The following STARD13 variants were observed in gnomAD, a reference collection of about 807,000 sequenced individuals.
STARD13 encodes StAR related lipid transfer domain containing 13.
In STARD13, 62 loss-of-function variants were observed where a neutral mutation model predicts 106.4. The ratio of observed to expected loss-of-function variants is 0.58; its 90% confidence interval spans 0.48 to 0.72. STARD13 has a LOEUF of 0.72. Ranked by LOEUF, STARD13 falls within the 30% of genes least tolerant of loss-of-function variation. The probability of loss-of-function intolerance (pLI) is 0.00; values close to 1 mark genes in which losing one functional copy is unlikely to be tolerated. For synonymous variants in STARD13, 565 were observed against 553.0 expected (o/e 1.02, Z -0.31); for missense variants, 1,387 against 1,424.0 (o/e 0.97, Z 0.42).
chr13:33,523,617 A>T, the STARD13 span, among the ~76,000 whole-genome samples: 30 of 152,166 alleles, frequency 2.0e-4, no homozygotes, highest in Admixed American at 1.6e-3. Context: ...AATTTAAAAG[A>T]TTCAAAAAAG....
chr13:33,666,574 C>G, the STARD13 span, among the ~76,000 whole-genome samples: 1 of 152,002 alleles, frequency 6.6e-6, no homozygotes, highest in South Asian at 2.1e-4. Flanking sequence ...GGATCACAGG[C>G]GTGAGCCACT....
rs1186408574 is a variant in STARD13, at chr13:33,312,623, ATATAT to A, written c.124+37662_124+37666del. 2.6e-5 allele frequency among the ~76,000 whole-genome samples: 4 copies of A among 152,200 alleles called. No homozygotes were observed. The South Asian group carries it at 6.2e-4, about 24-fold the overall frequency. On this transcript the variant is annotated intron_variant, in intron 1 of 5. Transcript: ENST00000567873. ...GTGTTTGGCATGAATACTTTCTAAT[ATATAT>A]TATAATTTTTGCTTTGTGGACTTGC... is the stretch of plus-strand genomic sequence containing the variant.
chr13:33,205,822 G>C, intron 1 of STARD13: 1 of 983,692 alleles, frequency 1.0e-6, no homozygotes, highest in South Asian at 4.7e-5. Flanking sequence ...AACTTACTTT[G>C]TTTAAAATTG....
At chr13:33,128,874 A>G in intron 5 of STARD13, 55 bp downstream of exon 5, 1 of 1,528,446 alleles carries the variant, frequency 6.5e-7, no homozygotes, top group South Asian at 1.3e-5. Context: ...AAATAAACAG[A>G]ACACAATTAC....
At chr13:33,658,294 G>A in the STARD13 span, 1 of 152,238 alleles carries the variant, frequency 6.6e-6, no homozygotes, top group African/African-American at 2.4e-5. Context: ...ACCGCATTTT[G>A]TTTATCCATT....
At chr13:33,543,198 G>T in the STARD13 span, among the ~76,000 whole-genome samples, 1 of 152,174 alleles carries the variant, frequency 6.6e-6, no homozygotes, top group African/African-American at 2.4e-5. Flanking sequence ...TGCCTGGTAG[G>T]AAGATGACAC....
chr13:33,462,262 T>C, the STARD13 span, among the ~76,000 whole-genome samples: 1 of 152,200 alleles, frequency 6.6e-6, no homozygotes, highest in Non-Finnish European at 1.5e-5. Flanking sequence ...GTCTTTCTTG[T>C]TCATCCCGAC....
At chr13:33,132,959 G>T (rs147919284) in intron 4 of STARD13, among the ~76,000 whole-genome samples, 1 of 152,062 alleles carries the variant, frequency 6.6e-6, no homozygotes, top group Non-Finnish European at 1.5e-5. Context: ...TAGGCTGAAC[G>T]TTGAACTTAT....
At chr13:33,152,056 T>C (rs1881352631) in intron 3 of STARD13, among the ~76,000 whole-genome samples, 2 of 152,202 alleles carry the variant, frequency 1.3e-5, no homozygotes, top group African/African-American at 4.8e-5. Flanking sequence ...TGTTAAATTT[T>C]AGGGGCCCTG....
chr13:33,440,107 T>A, the STARD13 span, among the ~76,000 whole-genome samples: 2 of 152,004 alleles, frequency 1.3e-5, no homozygotes, highest in African/African-American at 4.8e-5. Context: ...CGAGACACCC[T>A]GCTCTACAAA....
the STARD13 span, among the ~76,000 whole-genome samples, chr13:33,407,742 C>G: frequency 6.6e-6 from 1 of 152,118 alleles, no homozygotes; most frequent in African/African-American, 2.4e-5. Flanking sequence ...AAAAGCTTGG[C>G]CTGGGAGTTA....
chr13:33,195,919 G>C (rs1272424407), intron 1 of STARD13, among the ~76,000 whole-genome samples: 1 of 152,116 alleles, frequency 6.6e-6, no homozygotes, highest in Non-Finnish European at 1.5e-5. Flanking sequence ...CTGTACTGTG[G>C]TTGGCAGATG....
At chr13:33,506,952 T>C in the STARD13 span, among the ~76,000 whole-genome samples, 1 of 152,010 alleles carries the variant, frequency 6.6e-6, no homozygotes, top group African/African-American at 2.4e-5. Context: ...TCTCTACAAA[T>C]TAGCCAGGTG....
At chr13:33,150,896 A>G (rs79411130) in intron 3 of STARD13, among the ~76,000 whole-genome samples, 4,909 of 152,332 alleles carry the variant, frequency 0.032, 273 homozygotes, top group African/African-American at 0.11. Context: ...AGATTCGTTC[A>G]TCCGACAGTG....
chr13:33,528,084 T>C, the STARD13 span, among the ~76,000 whole-genome samples: 2 of 149,890 alleles, frequency 1.3e-5, no homozygotes, highest in Non-Finnish European at 3.0e-5. Context: ...CTCAACAAAG[T>C]AGTTTGTGTA....
the STARD13 span, among the ~76,000 whole-genome samples, chr13:33,542,559 G>A: frequency 1.6e-4 from 24 of 152,190 alleles, no homozygotes; most frequent in Admixed American, 1.2e-3. Flanking sequence ...GCGAGACCCC[G>A]CCCCTCGCCC....
At chr13:33,404,396 TGAGA>T in the STARD13 span, among the ~76,000 whole-genome samples, 2 of 151,892 alleles carry the variant, frequency 1.3e-5, no homozygotes, top group Admixed American at 1.3e-4. Flanking sequence ...AAGTTAGAAA[TGAGA>T]GAGAGAGAGT....
the STARD13 span, among the ~76,000 whole-genome samples, chr13:33,496,343 T>C: frequency 6.6e-6 from 1 of 151,190 alleles, no homozygotes; most frequent in Non-Finnish European, 1.5e-5. Flanking sequence ...AAATAAAGTG[T>C]ATTTACAATA....
rs1228057595 is a variant in STARD13, at chr13:33,328,264, A to T, written c.124+22026T>A. Among the ~76,000 whole-genome samples the T allele has an allele frequency of 2.6e-5, 4 of 152,328 alleles. No homozygotes were observed. In the South Asian group the frequency reaches 8.3e-4, roughly 32 times the overall value. ...ATGTTCAGAGGTTTGAGGGCTCTGG[A>T]AACAGATCATGTGGTTCTTAATGTT... On this transcript the variant is annotated intron_variant, in intron 1 of 5. Coordinates refer to the STARD13 transcript ENST00000567873.
Sources: gnomAD v4.1 joint callset for allele counts (sites outside exome capture counted in the v4.1 genomes callset) on GRCh38, gnomAD v4.1.1 for gene constraint, MANE v1.5 for transcripts, NCBI Gene and HGNC (gene_info 2026-07-23, HGNC 2026-07-21) for gene names.